SLC14A2: variants seen among roughly 807,000 people sequenced by gnomAD.
The protein encoded by SLC14A2 is urea transporter 2.
A neutral mutation model predicts 104.6 loss-of-function variants in SLC14A2; 91 were observed. The ratio of observed to expected loss-of-function variants is 0.87; its 90% CI spans 0.73 to 1.04. The LOEUF is 1.04. Among genes scored for constraint, SLC14A2 ranks in the 50% least tolerant of loss-of-function variants. The pLI is 0.00. For missense variants in SLC14A2, 1,189 were observed against 1,156.0 expected (o/e 1.03, Z -0.41); for synonymous variants, 476 against 466.4 (o/e 1.02, Z -0.27).
intron 1 of SLC14A2, among the ~76,000 whole-genome samples, chr18:45,223,145 C>T (rs2084079416): frequency 6.6e-6 from 1 of 152,148 alleles, no homozygotes; most frequent in South Asian, 2.1e-4. Flanking sequence ...TGTATTATCT[C>T]AAATGAGGAG....
At chr18:45,613,603 G>C (rs974056166), upstream of SLC14A2, among the ~76,000 whole-genome samples, 1 of 152,238 alleles carries the variant, frequency 6.6e-6, no homozygotes, top group African/African-American at 2.4e-5. Context: ...TGAGGAACTT[G>C]TTGGGAACTG....
intron 1 of SLC14A2, among the ~76,000 whole-genome samples, chr18:45,373,870 A>G (rs150483339): frequency 3.3e-5 from 5 of 152,340 alleles, no homozygotes; most frequent in Admixed American, 6.5e-5. Flanking sequence ...CAGTGCCCCT[A>G]GATAGTCAGT....
intron 16 of SLC14A2, among the ~76,000 whole-genome samples, chr18:45,670,613 T>C (rs1412444788): frequency 2.6e-5 from 4 of 152,182 alleles, no homozygotes; most frequent in African/African-American, 4.8e-5. Context: ...GCCCTGAATT[T>C]ACACTGAGAA....
At chr18:45,237,925 T>C (rs1238329719) in intron 1 of SLC14A2, among the ~76,000 whole-genome samples, 1 of 152,220 alleles carries the variant, frequency 6.6e-6, no homozygotes, top group Admixed American at 6.5e-5. Flanking sequence ...AAGATAGCTT[T>C]TAAATGTGCT....
At chr18:45,562,915 CTG>C (rs1399505482) in intron 2 of SLC14A2, among the ~76,000 whole-genome samples, 1 of 152,216 alleles carries the variant, frequency 6.6e-6, no homozygotes, top group African/African-American at 2.4e-5. Flanking sequence ...ATCACACTGT[CTG>C]ACTTTGGCAG....
chr18:45,360,509 A>G (rs561679763), intron 1 of SLC14A2, among the ~76,000 whole-genome samples: 1 of 152,362 alleles, frequency 6.6e-6, no homozygotes, highest in East Asian at 1.9e-4. Flanking sequence ...AATGCCAGTT[A>G]TAAGCAACAT....
At chr18:45,354,402 G>T (rs1317013447) in intron 1 of SLC14A2, among the ~76,000 whole-genome samples, 2 of 152,194 alleles carry the variant, frequency 1.3e-5, no homozygotes, top group African/African-American at 4.8e-5. Context: ...AGCAGGGGTG[G>T]CTGTGACCCA....
the SLC14A2 span, among the ~76,000 whole-genome samples, chr18:45,183,906 A>ATTTTTTTTTTTTTTTTTTTT: frequency 1.1e-4 from 7 of 62,698 alleles, no homozygotes; most frequent in Non-Finnish European, 1.6e-4. Flanking sequence ...TAATTTTCTA[A>ATTTTTTTTTTTTTTTTTTTT]TTTTTTTTTT....
chr18:45,382,591 T>C (rs1047606694), intron 1 of SLC14A2, among the ~76,000 whole-genome samples: 3 of 152,234 alleles, frequency 2.0e-5, no homozygotes, highest in Non-Finnish European at 4.4e-5. Context: ...TCCTGAATTA[T>C]AGAAAAGAAT....
At chr18:45,426,698 TACACACACACACACACACAC>T (rs34456057) in intron 1 of SLC14A2, among the ~76,000 whole-genome samples, 1 of 140,998 alleles carries the variant, frequency 7.1e-6, no homozygotes, top group African/African-American at 2.7e-5. Flanking sequence ...TATACATACA[TACACACACACACACACACAC>T]ACACACACAC....
intron 2 of SLC14A2, among the ~76,000 whole-genome samples, chr18:45,582,433 T>C (rs1420521984): frequency 1.3e-5 from 2 of 152,114 alleles, no homozygotes; most frequent in African/African-American, 4.8e-5. Flanking sequence ...TAAGAAAGGA[T>C]TTTTTCTATT....
intron 2 of SLC14A2, among the ~76,000 whole-genome samples, chr18:45,485,644 G>C (rs2087588809): frequency 1.3e-5 from 2 of 152,230 alleles, no homozygotes; most frequent in African/African-American, 4.8e-5. Context: ...GCAGGTGACA[G>C]TCTGAAATCC....
the SLC14A2 span, among the ~76,000 whole-genome samples, chr18:45,168,224 CA>C: frequency 2.6e-5 from 4 of 152,052 alleles, no homozygotes; most frequent in Non-Finnish European, 4.4e-5. Flanking sequence ...GTATAACTGG[CA>C]AAAAGGTGAG....
intron 1 of SLC14A2, among the ~76,000 whole-genome samples, chr18:45,481,734 A>C (rs2087497464): frequency 6.6e-6 from 1 of 152,208 alleles, no homozygotes; most frequent in African/African-American, 2.4e-5. Flanking sequence ...CAACCAGAGA[A>C]ATTGTTGTTT....
intron 1 of SLC14A2, among the ~76,000 whole-genome samples, chr18:45,266,990 A>G (rs2084598312): frequency 6.6e-6 from 1 of 152,170 alleles, no homozygotes; most frequent in Admixed American, 6.5e-5. Flanking sequence ...AAGGGAAACC[A>G]GGCAAACCAT....
At chr18:45,421,212 A>C (rs564460889) in intron 1 of SLC14A2, among the ~76,000 whole-genome samples, 2 of 151,272 alleles carry the variant, frequency 1.3e-5, no homozygotes, top group East Asian at 3.9e-4. Context: ...ATTTTTAACT[A>C]ATCTCTTAGA....
At chr18:45,317,984 G>A (rs901311397) in intron 1 of SLC14A2, among the ~76,000 whole-genome samples, 3 of 152,046 alleles carry the variant, frequency 2.0e-5, no homozygotes, top group African/African-American at 7.2e-5. Context: ...CCTTTCCTTT[G>A]GAGCCCCACC....
intron 1 of SLC14A2, among the ~76,000 whole-genome samples, chr18:45,406,364 T>C (rs1336483005): frequency 1.3e-5 from 2 of 152,196 alleles, no homozygotes; most frequent in Non-Finnish European, 2.9e-5. Context: ...CAGTCTCCAC[T>C]TCTAATTCTA....
chr18:45,664,032 A>G (rs918234650), intron 11 of SLC14A2, 125 bp downstream of exon 11: 2 of 1,002,190 alleles, frequency 2.0e-6, no homozygotes, highest in Admixed American at 5.8e-5. Context: ...TTGACCTCTC[A>G]CACCTGACGT....
Sources: allele counts gnomAD v4.1 joint callset (sites outside exome capture counted in the v4.1 genomes callset), GRCh38; gene constraint gnomAD v4.1.1; transcripts MANE v1.5; gene names NCBI Gene and HGNC (gene_info 2026-07-23, HGNC 2026-07-21).